Variants in C16orf89 observed in about 807,000 individuals in gnomAD.
The protein encoded by C16orf89 is chromosome 16 open reading frame 89.
Under a neutral mutation model 41.5 loss-of-function variants are expected in C16orf89, and 57 were observed. That is an observed-to-expected ratio of 1.38 (90% CI 1.11 to 1.71). C16orf89 has a LOEUF of 1.71. C16orf89 is among the 40% of genes most tolerant of loss of function. The probability of loss-of-function intolerance (pLI) is 0.00; values close to 1 mark genes in which losing one functional copy is unlikely to be tolerated. For missense variants in C16orf89, 575 were observed against 445.9 expected, an observed-to-expected ratio of 1.29 and a Z score of -2.61; for synonymous variants, 223 against 190.6, an observed-to-expected ratio of 1.17 and a Z score of -1.40.
Position 5,044,163 on chromosome 16 carries a change from C to G in C16orf89, c.*185G>C. ...TTTATTCATCCGTTCACACCTGGGT[C>G]CCTCCCGGCCCCCACCTACCCTGGC... On this transcript the variant is annotated 3_prime_UTR_variant, in exon 8 of 8. Transcript: ENST00000472572. 7.4e-7 allele frequency: 1 copy of G among 1,352,086 alleles called. No homozygotes were observed. The highest frequency in any genetic ancestry group is 9.5e-7 in the Non-Finnish European group (1 of 1,056,396). The allele number at this position is 1,352,086 out of a possible 1,614,324, so 83.8% of individuals were successfully genotyped here.
chr16:5,059,641 C>A (rs552950655), intron 3 of C16orf89, among the ~76,000 whole-genome samples: 6 of 152,282 alleles, frequency 3.9e-5, no homozygotes, highest in African/African-American at 1.4e-4. Context: ...CTAGGGCTGC[C>A]CTGGGGCCTT....
chr16:5,053,195 C>T (rs1956429394), intron 6 of C16orf89, among the ~76,000 whole-genome samples: 1 of 152,052 alleles, frequency 6.6e-6, no homozygotes, highest in African/African-American at 2.4e-5. Flanking sequence ...CATGGTGAAA[C>T]CCCCTCTCTA....
At chr16:5,056,280 G>T in intron 4 of C16orf89, 92 bp from the exon 5 acceptor site, 2 of 1,268,878 alleles carry the variant, frequency 1.6e-6, no homozygotes, top group Non-Finnish European at 2.2e-6. Context: ...TTCTGAGACG[G>T]TCTTGCAAGG....
At chr16:5,064,516 A>G (rs1011595884) in intron 1 of C16orf89, among the ~76,000 whole-genome samples, 2 of 152,376 alleles carry the variant, frequency 1.3e-5, no homozygotes, top group East Asian at 1.9e-4. Flanking sequence ...TGAGGAAACC[A>G]AAACTCCACG....
At position 5,065,745 on chromosome 16, in the gene C16orf89, G is replaced by A; in HGVS notation, c.164C>T (p.Pro55Leu). ...CACCATGCCATCCAGGTTGATTTCA[G>A]GCAGCCTCTGTTCTAGGAAGACGGT... ...RATVFLEQRL[P>L]EINLDGMVGV... is the part of the protein sequence containing the mutation. The change falls in exon 1 of 8, where the codon CCT (proline) becomes CTT (leucine). Residue 55 changes from proline to leucine, a missense_variant. By Grantham distance (98) the Pro-to-Leu change is moderately conservative. Coordinates refer to ENST00000472572, the MANE Select transcript of C16orf89 (RefSeq NM_001098514.3). The A allele has an allele frequency of 6.2e-7, 1 of 1,614,166 alleles. No individual in the cohort carries two copies. The highest frequency in any genetic ancestry group is 1.1e-5 in the South Asian group (1 of 91,084).
chr16:5,047,744 T>C (rs1897863560), intron 7 of C16orf89, 134 bp downstream of exon 7: 9 of 669,456 alleles, frequency 1.3e-5, no homozygotes, highest in South Asian at 1.3e-4. Context: ...CCTCTCAACA[T>C]GAAGGCCCTC....
intron 7 of C16orf89, among the ~76,000 whole-genome samples, chr16:5,046,124 C>T (rs540109837): frequency 1.3e-4 from 20 of 152,210 alleles, no homozygotes; most frequent in South Asian, 8.3e-4. Flanking sequence ...CCTTCTCCTG[C>T]GTGACTTTTG....
At chr16:5,063,885 G>T (rs1450403710) in intron 1 of C16orf89, among the ~76,000 whole-genome samples, 1 of 152,174 alleles carries the variant, frequency 6.6e-6, no homozygotes, top group African/African-American at 2.4e-5. Context: ...CCAGCACTTT[G>T]CGAGGCCGAG....
At chr16:5,062,376 C>T in intron 2 of C16orf89, 49 bp downstream of exon 2, 1 of 1,551,304 alleles carries the variant, frequency 6.4e-7, no homozygotes, top group Non-Finnish European at 8.7e-7. Flanking sequence ...CAGTCAATAT[C>T]CCCATAGGCG....
intron 3 of C16orf89, among the ~76,000 whole-genome samples, chr16:5,059,218 T>C (rs1047416991): frequency 4.6e-5 from 7 of 151,712 alleles, no homozygotes; most frequent in African/African-American, 1.5e-4. Flanking sequence ...ATCACTGCAC[T>C]CCAGCCTGGG....
Position 5,044,217 on chromosome 16 carries a change from G to C in C16orf89, c.*131C>G. 2 of 1,419,094 alleles carry C rather than the reference G, an allele frequency of 1.4e-6. No homozygotes were observed. The highest frequency in any genetic ancestry group is 1.8e-6 in the Non-Finnish European group (2 of 1,091,960). The allele number at this position is 1,419,094 out of a possible 1,614,324, so 87.9% of individuals were successfully genotyped here. A position where few individuals can be genotyped will look rare whatever the true frequency, so the allele number is the denominator to read the frequency against. On this transcript the variant is annotated 3_prime_UTR_variant, in exon 8 of 8. Transcript: ENST00000472572. ...GCCTACTCAGGGCTTCCAAGATTGGGTGTCGGGGTGGCTTTGCTTATCCTC... is the reference window on the plus strand; with the variant it reads ...GCCTACTCAGGGCTTCCAAGATTGGCTGTCGGGGTGGCTTTGCTTATCCTC...
intron 2 of C16orf89, among the ~76,000 whole-genome samples, chr16:5,061,426 C>G (rs529338620): frequency 1.3e-3 from 102 of 75,602 alleles, no homozygotes; most frequent in African/African-American, 5.2e-3. Flanking sequence ...GGGTGAGACT[C>G]TGTCTCAAAA....
chr16:5,064,930 A>C (rs1956704409), intron 1 of C16orf89, among the ~76,000 whole-genome samples: 1 of 152,218 alleles, frequency 6.6e-6, no homozygotes. Flanking sequence ...GAGGGCACTG[A>C]AGTACCCCAT....
At chr16:5,052,609 A>T (rs1956418628) in intron 6 of C16orf89, among the ~76,000 whole-genome samples, 1 of 145,628 alleles carries the variant, frequency 6.9e-6, no homozygotes, top group South Asian at 2.2e-4. Flanking sequence ...GAAAGAAAAA[A>T]AAAAAAGACA....
At chr16:5,045,012 C>T (rs940671077) in intron 7 of C16orf89, among the ~76,000 whole-genome samples, 33 of 152,256 alleles carry the variant, frequency 2.2e-4, no homozygotes, top group African/African-American at 7.7e-4. Context: ...CTTACCAATA[C>T]AGGGATACAA....
At chr16:5,056,337 G>C (rs201799204) in intron 4 of C16orf89, 149 bp from the exon 5 acceptor site, 1 of 675,916 alleles carries the variant, frequency 1.5e-6, no homozygotes, top group East Asian at 3.0e-5. Flanking sequence ...TCTCCTTTTC[G>C]CAGGATTTCT....
chr16:5,048,176 G>A (rs1280376192), intron 6 of C16orf89, among the ~76,000 whole-genome samples: 1 of 152,030 alleles, frequency 6.6e-6, no homozygotes, highest in African/African-American at 2.4e-5. Context: ...CTACAGGCAT[G>A]GACTACCATG....
intron 6 of C16orf89, among the ~76,000 whole-genome samples, chr16:5,051,404 C>T (rs1448075107): frequency 2.0e-5 from 3 of 152,058 alleles, no homozygotes; most frequent in African/African-American, 7.2e-5. Flanking sequence ...TTTCATACAC[C>T]TACAATGAAC....
intron 6 of C16orf89, among the ~76,000 whole-genome samples, chr16:5,050,226 G>A (rs1315479081): frequency 6.6e-6 from 1 of 152,110 alleles, no homozygotes; most frequent in African/African-American, 2.4e-5. Flanking sequence ...AAATTAGCCA[G>A]GCATGGTGGC....
Sources: allele counts gnomAD v4.1 joint callset (sites outside exome capture counted in the v4.1 genomes callset), GRCh38; gene constraint gnomAD v4.1.1; transcripts MANE v1.5; gene names NCBI Gene and HGNC (gene_info 2026-07-23, HGNC 2026-07-21).